CCBE1: variants seen among roughly 807,000 people sequenced by gnomAD.
The protein encoded by CCBE1 is collagen and calcium binding EGF domains 1, also known as collagen and calcium-binding EGF domain-containing protein 1.
A neutral mutation model predicts 50.0 loss-of-function variants in CCBE1; 37 were observed. The observed-to-expected ratio is 0.74, with a 90% CI of 0.57 to 0.97. The LOEUF (loss-of-function observed/expected upper bound fraction) is 0.97. Among genes scored for constraint, CCBE1 ranks in the 50% least tolerant of loss-of-function variants. CCBE1 has a pLI of 0.00. For missense variants in CCBE1, 538 were observed against 523.8 expected, an observed-to-expected ratio of 1.03 and a Z score of -0.26; for synonymous variants, 234 against 203.7, an observed-to-expected ratio of 1.15 and a Z score of -1.27.
At chr18:59,509,897 T>A (rs1231555760) in intron 2 of CCBE1, among the ~76,000 whole-genome samples, 1 of 152,196 alleles carries the variant, frequency 6.6e-6, no homozygotes, top group Non-Finnish European at 1.5e-5. Flanking sequence ...CAAAGCGATG[T>A]CATGGGGATG....
chr18:59,647,254 T>A (rs962024216), intron 2 of CCBE1, among the ~76,000 whole-genome samples: 1 of 152,208 alleles, frequency 6.6e-6, no homozygotes, highest in South Asian at 2.1e-4. Flanking sequence ...GAGTTTAACG[T>A]AATCTCCAAA....
chr18:59,692,574 A>G (rs1330409530), intron 2 of CCBE1, among the ~76,000 whole-genome samples: 1 of 152,234 alleles, frequency 6.6e-6, no homozygotes, highest in South Asian at 2.1e-4. Flanking sequence ...GCCCAATGCT[A>G]TCAATCTGGT....
At chr18:59,564,853 A>C (rs772271654) in intron 2 of CCBE1, among the ~76,000 whole-genome samples, 2 of 152,254 alleles carry the variant, frequency 1.3e-5, no homozygotes, top group Admixed American at 6.5e-5. Context: ...TGGTGGTAGA[A>C]GTAGAACATA....
intron 4 of CCBE1, among the ~76,000 whole-genome samples, chr18:59,467,695 C>G (rs531417843): frequency 1.3e-5 from 2 of 152,320 alleles, no homozygotes; most frequent in South Asian, 4.1e-4. Flanking sequence ...TGGTTGAAGA[C>G]AGTGGGTAGC....
chr18:59,635,848 A>C (rs1455252449), intron 2 of CCBE1, among the ~76,000 whole-genome samples: 1 of 152,196 alleles, frequency 6.6e-6, no homozygotes, highest in Non-Finnish European at 1.5e-5. Context: ...AGAGTTTTAG[A>C]AAAGAGATTA....
intron 2 of CCBE1, among the ~76,000 whole-genome samples, chr18:59,570,736 T>G (rs57724324): frequency 0.018 from 2,753 of 152,248 alleles, 126 homozygotes; most frequent in East Asian, 0.16. Context: ...TGATATTAAA[T>G]TGCTCTGTGT....
chr18:59,568,748 T>A (rs905024178), intron 2 of CCBE1: 2 of 152,178 alleles, frequency 1.3e-5, no homozygotes, highest in Non-Finnish European at 2.9e-5. Flanking sequence ...CAGAAGGTAA[T>A]GTATTGAGCC....
intron 2 of CCBE1, among the ~76,000 whole-genome samples, chr18:59,537,406 T>C (rs929989231): frequency 1.3e-5 from 2 of 152,116 alleles, no homozygotes; most frequent in African/African-American, 4.8e-5. Context: ...GATAATTGAA[T>C]CACGGGGGCA....
rs116239086 is a variant in CCBE1, at chr18:59,469,519, T to C, written c.354A>G (p.Arg118=). The change falls in exon 4 of 11, where the codon CGA becomes CGG. Residue 118 remains arginine, a synonymous_variant. Transcript: ENST00000439986. Reference sequence around the variant, plus strand: ...GCTTCCGGTGTCTCTCCCGGTCATATCGGTATCCCGGATAACAAGTACACA... The same window carrying C: ...GCTTCCGGTGTCTCTCCCGGTCATACCGGTATCCCGGATAACAAGTACACA... The part of the protein sequence containing the change: ...RVLCTCYPGY[R]YDRERHRKRE... The C allele has an allele frequency of 1.3e-4, 214 of 1,614,158 alleles. 1 individual carries two copies. In the African/African-American group the frequency reaches 1.3e-3, roughly 10 times the overall value.
chr18:59,630,147 G>A, intron 2 of CCBE1, among the ~76,000 whole-genome samples: 1 of 152,154 alleles, frequency 6.6e-6, no homozygotes, highest in East Asian at 1.9e-4. Context: ...GCTGTGACAA[G>A]CAGGCAAGAC....
chr18:59,447,263 T>C (rs920075327), intron 7 of CCBE1, among the ~76,000 whole-genome samples: 2 of 152,182 alleles, frequency 1.3e-5, no homozygotes, highest in African/African-American at 4.8e-5. Context: ...TATGGAGTTC[T>C]AGAACAGGTA....
intron 2 of CCBE1, among the ~76,000 whole-genome samples, chr18:59,617,542 C>T (rs1025261740): frequency 1.5e-4 from 23 of 152,100 alleles, no homozygotes; most frequent in East Asian, 1.4e-3. Context: ...TGTTTTTGTC[C>T]GGCCAAGAGC....
At chr18:59,472,803 G>C (rs1240440604) in intron 3 of CCBE1, among the ~76,000 whole-genome samples, 1 of 152,232 alleles carries the variant, frequency 6.6e-6, no homozygotes, top group South Asian at 2.1e-4. Flanking sequence ...ATAAAGGAAA[G>C]AGGTTTAACT....
At chr18:59,535,160 G>A (rs1915199704) in intron 2 of CCBE1, among the ~76,000 whole-genome samples, 1 of 152,172 alleles carries the variant, frequency 6.6e-6, no homozygotes, top group Non-Finnish European at 1.5e-5. Flanking sequence ...CAGCAGTAAT[G>A]AGATTGACAG....
chr18:59,485,415 A>C (rs1912768019), intron 2 of CCBE1, among the ~76,000 whole-genome samples: 1 of 152,028 alleles, frequency 6.6e-6, no homozygotes, highest in South Asian at 2.1e-4. Flanking sequence ...AGACTAGAAA[A>C]GAATTTTAAA....
chr18:59,589,198 C>T (rs1372935538), intron 2 of CCBE1, among the ~76,000 whole-genome samples: 1 of 152,096 alleles, frequency 6.6e-6, no homozygotes, highest in Non-Finnish European at 1.5e-5. Context: ...TATCTACTTC[C>T]TAGATTGCCA....
intron 2 of CCBE1, among the ~76,000 whole-genome samples, chr18:59,579,442 C>G (rs1169452373): frequency 1.3e-5 from 2 of 151,922 alleles, no homozygotes; most frequent in Non-Finnish European, 2.9e-5. Flanking sequence ...CCCAGACACT[C>G]TCATTCAGAG....
intron 2 of CCBE1, among the ~76,000 whole-genome samples, chr18:59,656,400 T>A (rs2054189639): frequency 1.3e-5 from 2 of 152,244 alleles, no homozygotes; most frequent in Non-Finnish European, 2.9e-5. Context: ...TTTTGAGTTT[T>A]ATTAAATCTT....
intron 2 of CCBE1, among the ~76,000 whole-genome samples, chr18:59,484,671 C>T (rs1393078431): frequency 2.6e-5 from 4 of 152,240 alleles, no homozygotes; most frequent in Non-Finnish European, 5.9e-5. Context: ...GCATCATTTA[C>T]ATACCTGCTT....
Sources: gnomAD v4.1 joint callset for allele counts (sites outside exome capture counted in the v4.1 genomes callset) on GRCh38, gnomAD v4.1.1 for gene constraint, MANE v1.5 for transcripts, NCBI Gene and HGNC (gene_info 2026-07-23, HGNC 2026-07-21) for gene names.